Variants in KLF12 observed in about 807,000 individuals in gnomAD.
KLF12 encodes the protein KLF transcription factor 12.
A neutral mutation model predicts 37.8 loss-of-function variants in KLF12; 9 were observed. That is an observed-to-expected ratio of 0.24 (90% CI 0.14 to 0.42). The LOEUF is 0.42. KLF12 is among the 10% of genes least tolerant of loss of function. KLF12 has a pLI of 1.00. For synonymous variants in KLF12, 208 were observed against 202.1 expected, an observed-to-expected ratio of 1.03 and a Z score of -0.25; for missense variants, 411 against 516.0, an observed-to-expected ratio of 0.80 and a Z score of 1.97.
chr13:74,260,055 T>C, the KLF12 span: 2 of 152,180 alleles, frequency 1.3e-5, no homozygotes, highest in African/African-American at 4.8e-5. Flanking sequence ...GCTGTTTCTT[T>C]TGTGTCCCCT....
intron 1 of KLF12, among the ~76,000 whole-genome samples, chr13:74,052,332 T>C (rs1210919201): frequency 6.6e-6 from 1 of 152,176 alleles, no homozygotes; most frequent in Non-Finnish European, 1.5e-5. Context: ...TCACGCTGCC[T>C]GGGTTTACCT....
intron 5 of KLF12, among the ~76,000 whole-genome samples, chr13:73,772,376 G>T (rs899951943): frequency 4.6e-5 from 7 of 152,198 alleles, no homozygotes; most frequent in Non-Finnish European, 8.8e-5. Flanking sequence ...ACAAATAATT[G>T]ACCATGATGG....
chr13:73,766,186 T>C lies in KLF12; in HGVS notation c.807-1186A>G, dbSNP rs7996268. On this transcript the variant is annotated intron_variant, in intron 5 of 7. Transcript: ENST00000377669. The stretch of plus-strand genomic sequence containing the variant: ...TTTCTGCTCGGCATGGGGGAGGGGG[T>C]GTTAATTATGCAGAAAGATGGAGAG... 5.2e-3 allele frequency among the ~76,000 whole-genome samples: 784 copies of C among 151,546 alleles called. 6 individuals are homozygous for C. Among genetic ancestry groups the C allele is most frequent in the African/African-American group, 0.017 (722 of 41,304 alleles).
At chr13:74,236,183 G>T in the KLF12 span, among the ~76,000 whole-genome samples, 1 of 144,114 alleles carries the variant, frequency 6.9e-6, no homozygotes, top group Non-Finnish European at 1.5e-5. Context: ...CTATGAGTGA[G>T]AATATGCGGT....
chr13:74,224,759 A>G, the KLF12 span, among the ~76,000 whole-genome samples: 2 of 152,164 alleles, frequency 1.3e-5, no homozygotes, highest in Non-Finnish European at 2.9e-5. Flanking sequence ...AATGACTAAA[A>G]ATTATAAAGA....
At chr13:73,769,997 TA>T (rs1880167461) in intron 5 of KLF12, among the ~76,000 whole-genome samples, 1 of 152,200 alleles carries the variant, frequency 6.6e-6, no homozygotes, top group African/African-American at 2.4e-5. Flanking sequence ...CCATTTAGGT[TA>T]TATAATCATT....
At chr13:73,831,204 T>C (rs1198436402) in intron 4 of KLF12, among the ~76,000 whole-genome samples, 1 of 152,162 alleles carries the variant, frequency 6.6e-6, no homozygotes, top group African/African-American at 2.4e-5. Context: ...CAAGCCTAAG[T>C]ACAGCAAAAT....
intron 7 of KLF12, among the ~76,000 whole-genome samples, chr13:73,714,436 G>A (rs1417094300): frequency 1.3e-5 from 2 of 152,248 alleles, no homozygotes; most frequent in Non-Finnish European, 1.5e-5. Flanking sequence ...TACATGTGAA[G>A]CTTCCAGTCA....
At chr13:73,919,654 A>G (rs1401317490) in intron 3 of KLF12, among the ~76,000 whole-genome samples, 1 of 152,158 alleles carries the variant, frequency 6.6e-6, no homozygotes, top group Non-Finnish European at 1.5e-5. Flanking sequence ...ATTCCCAACT[A>G]TATCATTAAC....
chr13:74,178,378 T>G, the KLF12 span, among the ~76,000 whole-genome samples: 1 of 152,190 alleles, frequency 6.6e-6, no homozygotes, highest in Non-Finnish European at 1.5e-5. Flanking sequence ...TTAAAAGAAA[T>G]GGGTTCTTTT....
intron 1 of KLF12, among the ~76,000 whole-genome samples, chr13:74,109,460 T>C (rs752868691): frequency 1.3e-5 from 2 of 152,128 alleles, no homozygotes; most frequent in Non-Finnish European, 2.9e-5. Context: ...ATAGATAATA[T>C]ATTTTGTAAT....
chr13:74,027,820 C>T (rs1041672936), intron 1 of KLF12, among the ~76,000 whole-genome samples: 1 of 152,188 alleles, frequency 6.6e-6, no homozygotes, highest in Non-Finnish European at 1.5e-5. Context: ...ACATTCTTCA[C>T]ATAAAAAGTC....
chr13:73,797,095 T>C lies in KLF12; in HGVS notation c.806+16057A>G, dbSNP rs1009661868. Reference sequence around the variant, plus strand: ...TCAGATCTTACATGAGAGTATACAATTGTTAAATTCTTTGAACTGCACCTT... The same window carrying C: ...TCAGATCTTACATGAGAGTATACAACTGTTAAATTCTTTGAACTGCACCTT... On this transcript the variant is annotated intron_variant, in intron 5 of 7. Coordinates refer to ENST00000377669, the MANE Select transcript of KLF12 (RefSeq NM_007249.5). Among the ~76,000 whole-genome samples the C allele has an allele frequency of 1.6e-4, 25 of 152,318 alleles. No homozygotes were observed. The East Asian group carries it at 2.3e-3, about 14-fold the overall frequency.
chr13:73,704,126 T>C (rs1874750895), intron 7 of KLF12, among the ~76,000 whole-genome samples: 1 of 152,170 alleles, frequency 6.6e-6, no homozygotes, highest in African/African-American at 2.4e-5. Context: ...ACCTGTTGCA[T>C]AAACGTTTCC....
At chr13:73,979,235 T>G (rs1409146286) in intron 2 of KLF12, among the ~76,000 whole-genome samples, 1 of 152,184 alleles carries the variant, frequency 6.6e-6, no homozygotes, top group Non-Finnish European at 1.5e-5. Context: ...TGGTGGGGTA[T>G]GTTGATAATG....
At chr13:73,915,689 ATTTTT>A (rs140697314) in intron 3 of KLF12, among the ~76,000 whole-genome samples, 1 of 99,150 alleles carries the variant, frequency 1.0e-5, no homozygotes, top group Non-Finnish European at 2.0e-5. Context: ...ATTTTTTTGT[ATTTTT>A]TTTTTTTTTT....
At chr13:74,246,871 A>G in the KLF12 span, among the ~76,000 whole-genome samples, 2 of 152,230 alleles carry the variant, frequency 1.3e-5, no homozygotes, top group South Asian at 4.1e-4. Context: ...GGTGTTAAAA[A>G]AGATGAGGGA....
chr13:73,835,061 T>C (rs1467997315), intron 4 of KLF12, among the ~76,000 whole-genome samples: 4 of 144,500 alleles, frequency 2.8e-5, no homozygotes, highest in Non-Finnish European at 6.1e-5. Context: ...GGGTAGAAGT[T>C]AAACCTTTTT....
Position 73,811,851 on chromosome 13 carries a change from G to T in KLF12, c.806+1301C>A, listed in dbSNP as rs192793134. On this transcript the variant is annotated intron_variant, in intron 5 of 7. Coordinates refer to ENST00000377669, the MANE Select transcript of KLF12 (RefSeq NM_007249.5). Reference sequence around the variant, plus strand: ...TAATACAAATTATCTCTATAACATAGATATATTATTCATTTTATATACGCA... The same window carrying T: ...TAATACAAATTATCTCTATAACATATATATATTATTCATTTTATATACGCA... 4.1e-3 allele frequency among the ~76,000 whole-genome samples: 629 copies of T among 152,166 alleles called. 6 individuals carry two copies. The highest frequency in any genetic ancestry group is 0.014 in the African/African-American group (593 of 41,528).
Sources: allele counts gnomAD v4.1 joint callset (sites outside exome capture counted in the v4.1 genomes callset), GRCh38; gene constraint gnomAD v4.1.1; transcripts MANE v1.5; gene names NCBI Gene and HGNC (gene_info 2026-07-23, HGNC 2026-07-21).